The following PPHLN1 variants were observed in gnomAD, a reference collection of about 807,000 sequenced individuals.
PPHLN1 encodes the protein periphilin 1.
In PPHLN1, 29 loss-of-function variants were observed where a neutral mutation model predicts 51.3. The ratio of observed to expected loss-of-function variants is 0.57; its 90% CI spans 0.42 to 0.77. The LOEUF is 0.77. Among genes scored for constraint, PPHLN1 ranks in the 30% least tolerant of loss-of-function variants. PPHLN1 has a pLI of 0.00. For synonymous variants in PPHLN1, 147 were observed against 147.8 expected (o/e 0.99, Z 0.04); for missense variants, 436 against 438.4 (o/e 0.99, Z 0.05).
At chr12:42,344,997 T>G (rs1046062307) in intron 2 of PPHLN1, among the ~76,000 whole-genome samples, 8 of 152,208 alleles carry the variant, frequency 5.3e-5, no homozygotes, top group African/African-American at 1.7e-4. Context: ...AGGTGTGAGC[T>G]ACCGTGCCCA....
intron 9 of PPHLN1, among the ~76,000 whole-genome samples, chr12:42,428,238 A>G (rs1442252933): frequency 1.3e-5 from 2 of 152,232 alleles, no homozygotes; most frequent in Non-Finnish European, 2.9e-5. Context: ...CTACCATTTG[A>G]TCCAGCAATC....
chr12:42,330,953 C>A (rs1309228749), intron 1 of PPHLN1, among the ~76,000 whole-genome samples: 1 of 152,186 alleles, frequency 6.6e-6, no homozygotes, highest in Non-Finnish European at 1.5e-5. Context: ...TTGTGATCCG[C>A]GCGCCTCGGC....
intron 4 of PPHLN1, among the ~76,000 whole-genome samples, chr12:42,355,845 A>ATGAGGTTT (rs2073994696): frequency 1.3e-5 from 2 of 152,048 alleles, no homozygotes; most frequent in South Asian, 4.1e-4. Context: ...TTGCTTAATT[A>ATGAGGTTT]GTATTTGATT....
chr12:42,409,946 A>C (rs2079656659), intron 9 of PPHLN1, among the ~76,000 whole-genome samples: 1 of 152,114 alleles, frequency 6.6e-6, no homozygotes, highest in Non-Finnish European at 1.5e-5. Flanking sequence ...ATTGTTCTTC[A>C]GAAGTTTCAG....
At chr12:42,367,013 T>C (rs2075337331) in intron 4 of PPHLN1, among the ~76,000 whole-genome samples, 2 of 152,246 alleles carry the variant, frequency 1.3e-5, no homozygotes, top group Non-Finnish European at 2.9e-5. Flanking sequence ...TACCTGGCTT[T>C]TTTAGGCTCA....
intron 2 of PPHLN1, among the ~76,000 whole-genome samples, chr12:42,347,373 A>G (rs1565777136): frequency 6.6e-6 from 1 of 152,210 alleles, no homozygotes; most frequent in Non-Finnish European, 1.5e-5. Context: ...AGAAAGGAAA[A>G]TTACATGTTT....
intron 7 of PPHLN1, among the ~76,000 whole-genome samples, chr12:42,389,568 A>G (rs28627779): frequency 6.6e-6 from 1 of 152,180 alleles, no homozygotes; most frequent in Non-Finnish European, 1.5e-5. Context: ...TCAAAAAAAC[A>G]AAAAACAAAA....
intron 9 of PPHLN1, among the ~76,000 whole-genome samples, chr12:42,426,430 A>G (rs1479699211): frequency 6.6e-6 from 1 of 152,112 alleles, no homozygotes; most frequent in Non-Finnish European, 1.5e-5. Context: ...TATGATAAGG[A>G]GTGAATTTGA....
In PPHLN1 at chr12:42,441,626, T is replaced by C. The variant is rs2082974917; in HGVS notation, c.*117T>C. 7.5e-7 allele frequency: 1 copy of C among 1,327,982 alleles called. No homozygotes were observed. The highest frequency in any genetic ancestry group is 9.7e-7 in the Non-Finnish European group (1 of 1,026,286). 82.3% of individuals were successfully genotyped at this position (1,327,982 alleles called of 1,614,324 possible). A position where few individuals can be genotyped will look rare whatever the true frequency, so the allele number is the denominator to read the frequency against. Reference sequence around the variant, plus strand: ...GATGCAGAGAAATACTTTATGATAGTTGACAACATTTCAGTATTAAATAAA... The same window carrying C: ...GATGCAGAGAAATACTTTATGATAGCTGACAACATTTCAGTATTAAATAAA... On this transcript the variant is annotated 3_prime_UTR_variant, in exon 10 of 10. Transcript: ENST00000358314.
intron 1 of PPHLN1, chr12:42,332,712 G>T: frequency 6.9e-7 from 1 of 1,444,698 alleles, no homozygotes; most frequent in Non-Finnish European, 9.6e-7. Flanking sequence ...AGTAAGTATA[G>T]TATAGTAGTA....
rs371664932 is a variant in PPHLN1 at position 42,373,141 on chromosome 12, C to T, written c.300-1722C>T. On this transcript the variant is annotated intron_variant, in intron 4 of 9. Coordinates refer to ENST00000358314, the MANE Select transcript of PPHLN1 (RefSeq NM_201439.2). ...CTAATGTCAGCCTCTCCTATTAAAC[C>T]GAGAGTTCTGTGATGGCAGGGACTG... 1.6e-4 allele frequency among the ~76,000 whole-genome samples: 24 copies of T among 152,250 alleles called. No individual in the cohort carries two copies. In the South Asian group the frequency reaches 4.6e-3, roughly 29 times the overall value.
intron 9 of PPHLN1, among the ~76,000 whole-genome samples, chr12:42,406,430 GTCTAGCA>G (rs150799426): frequency 0.013 from 1,973 of 152,236 alleles, 38 homozygotes; most frequent in African/African-American, 0.044. Context: ...TAGTATTTGT[GTCTAGCA>G]TCTTTTGTTC....
intron 4 of PPHLN1, among the ~76,000 whole-genome samples, chr12:42,364,737 A>G (rs2075084093): frequency 6.6e-6 from 1 of 152,180 alleles, no homozygotes; most frequent in Non-Finnish European, 1.5e-5. Context: ...CTTGGCCAAC[A>G]TGGGGAAACC....
intron 9 of PPHLN1, among the ~76,000 whole-genome samples, chr12:42,424,571 C>A (rs574520013): frequency 2.6e-5 from 4 of 152,276 alleles, no homozygotes; most frequent in African/African-American, 4.8e-5. Flanking sequence ...AATGTAAATA[C>A]AGCTTCAGGG....
At chr12:42,355,368 T>C in intron 4 of PPHLN1, 146 bp downstream of exon 4, 1 of 659,672 alleles carries the variant, frequency 1.5e-6, no homozygotes, top group African/African-American at 1.8e-5. Context: ...ATTCTTTTTG[T>C]GACTATGTAG....
intron 2 of PPHLN1, among the ~76,000 whole-genome samples, chr12:42,351,091 G>GTTT (rs113281394): frequency 1.3e-4 from 19 of 151,526 alleles, no homozygotes; most frequent in South Asian, 4.2e-4. Context: ...AGGCTTTACA[G>GTTT]TTTTTTTTTA....
chr12:42,366,428 A>G (rs1213265266), intron 4 of PPHLN1, among the ~76,000 whole-genome samples: 1 of 152,016 alleles, frequency 6.6e-6, no homozygotes, highest in Non-Finnish European at 1.5e-5. Flanking sequence ...GGGTTTCACC[A>G]TGTTGGCCAG....
At chr12:42,412,425 AT>A (rs76141122) in intron 9 of PPHLN1, among the ~76,000 whole-genome samples, 25,703 of 144,718 alleles carry the variant, frequency 0.18, 2,267 homozygotes, top group East Asian at 0.25. Flanking sequence ...ATATTATTTC[AT>A]TTTTTTTTTT....
At chr12:42,410,009 A>C (rs1437770238) in intron 9 of PPHLN1, among the ~76,000 whole-genome samples, 1 of 152,122 alleles carries the variant, frequency 6.6e-6, no homozygotes, top group Non-Finnish European at 1.5e-5. Flanking sequence ...AGATCATATG[A>C]AGTCCTAATG....
Sources: allele counts gnomAD v4.1 joint callset (sites outside exome capture counted in the v4.1 genomes callset), GRCh38; gene constraint gnomAD v4.1.1; transcripts MANE v1.5; gene names NCBI Gene and HGNC (gene_info 2026-07-23, HGNC 2026-07-21).